The following FIBCD1 variants were observed in gnomAD, a reference collection of about 807,000 sequenced individuals.
FIBCD1 encodes fibrinogen C domain-containing protein 1.
Under a neutral mutation model 45.1 loss-of-function variants are expected in FIBCD1, and 47 were observed. The ratio of observed to expected loss-of-function variants is 1.04; its 90% confidence interval spans 0.82 to 1.33. The LOEUF (loss-of-function observed/expected upper bound fraction) is 1.33, where lower values mean the gene tolerates loss of function less well. FIBCD1 is among the 40% of genes most tolerant of loss of function. The pLI, the probability that FIBCD1 is intolerant of heterozygous loss-of-function variation, is 0.00. For synonymous variants in FIBCD1, 313 were observed against 308.1 expected (o/e 1.02, Z -0.17); for missense variants, 653 against 682.2 (o/e 0.96, Z 0.48).
chr9:130,938,454 G>T, intron 1 of FIBCD1, 82 bp downstream of exon 1: 3 of 1,236,908 alleles, frequency 2.4e-6, no homozygotes, highest in East Asian at 3.2e-5. Context: ...TCCAGCCCCC[G>T]CAATGGGTGC....
At chr9:130,907,788 A>G (rs1016149235) in intron 5 of FIBCD1, among the ~76,000 whole-genome samples, 13 of 151,616 alleles carry the variant, frequency 8.6e-5, no homozygotes, top group African/African-American at 3.1e-4. Context: ...AATCCCAGCT[A>G]CTTGGGAGGC....
rs925248260 is a variant in FIBCD1, at chr9:130,938,995, ACACT to A, written c.-392_-389del. On this transcript the variant is annotated 5_prime_UTR_variant, in exon 1 of 7. Coordinates refer to ENST00000372338, the MANE Select transcript of FIBCD1 (RefSeq NM_032843.5). The stretch of plus-strand genomic sequence containing the variant: ...ATTGCTCCCCTCGGCCTCCCCCGAC[ACACT>A]CACACACACGCGCGCGCTCACACCC... 1.3e-5 allele frequency: 2 copies of A among 151,952 alleles called. No homozygotes were observed. Among genetic ancestry groups the A allele is most frequent in the Non-Finnish European group, 2.9e-5 (2 of 68,046 alleles). 9.4% of individuals were successfully genotyped at this position (151,952 alleles called of 1,614,324 possible).
intron 1 of FIBCD1, 104 bp downstream of exon 1, chr9:130,938,432 T>A (rs528758146): frequency 7.4e-5 from 73 of 983,678 alleles, no homozygotes; most frequent in Non-Finnish European, 9.7e-5. Context: ...CTCGAAGGGG[T>A]GCGCCCCAAA....
chr9:130,933,459 C>T (rs1008322542), intron 1 of FIBCD1, among the ~76,000 whole-genome samples: 12 of 152,240 alleles, frequency 7.9e-5, no homozygotes, highest in South Asian at 4.1e-4. Flanking sequence ...GGGCCTGAGC[C>T]GGGAGCCCTG....
chr9:130,935,205 G>A (rs1832500594), intron 1 of FIBCD1, among the ~76,000 whole-genome samples: 1 of 152,206 alleles, frequency 6.6e-6, no homozygotes. Flanking sequence ...AATTTTGAAA[G>A]CGTCAAGAGA....
At chr9:130,927,099 T>C (rs1405091466) in intron 2 of FIBCD1, among the ~76,000 whole-genome samples, 1 of 151,930 alleles carries the variant, frequency 6.6e-6, no homozygotes, top group Non-Finnish European at 1.5e-5. Context: ...AAAAATTAGC[T>C]AGACATGGTG....
chr9:130,909,708 G>C (rs564250093), intron 5 of FIBCD1, among the ~76,000 whole-genome samples: 49 of 151,214 alleles, frequency 3.2e-4, no homozygotes, highest in African/African-American at 1.2e-3. Context: ...TAAATGTTTT[G>C]TTTAGATAAA....
intron 1 of FIBCD1, among the ~76,000 whole-genome samples, chr9:130,932,400 T>A (rs1247163515): frequency 6.6e-6 from 1 of 152,078 alleles, no homozygotes; most frequent in Admixed American, 6.6e-5. Flanking sequence ...CTGCCAGGAC[T>A]CAGTGCTCCA....
In FIBCD1 at chr9:130,923,789, G is replaced by A. The variant is rs760983878; in HGVS notation, c.804C>T (p.Gly268=). The change falls in exon 4 of 7, where the codon GGC becomes GGT. Residue 268 remains glycine, a synonymous_variant. Coordinates refer to ENST00000372338, the MANE Select transcript of FIBCD1 (RefSeq NM_032843.5). ...YSVFPTHYPA[G]FQVYCDMRTD... ...TGCGCATGTCACAGTACACCTGGAA[G>A]CCGGCCGGGTAGTGGGTGGGAAAGA... The A allele has an allele frequency of 1.2e-6, 2 of 1,612,776 alleles. No homozygotes were observed. The highest frequency in any genetic ancestry group is 1.3e-5 in the African/African-American group (1 of 74,928).
At chr9:130,921,495 G>A (rs773531034) in intron 4 of FIBCD1, among the ~76,000 whole-genome samples, 11 of 152,324 alleles carry the variant, frequency 7.2e-5, no homozygotes, top group Middle Eastern at 6.8e-3. Context: ...CAGGGCCCCC[G>A]GAACCGGGTG....
At chr9:130,910,682 A>C (rs578092889) in intron 5 of FIBCD1, among the ~76,000 whole-genome samples, 7 of 149,906 alleles carry the variant, frequency 4.7e-5, no homozygotes, top group Non-Finnish European at 8.9e-5. Context: ...TTGTAAACAC[A>C]CCAATCAGCA....
rs1030843367 is a variant in FIBCD1 at position 130,930,187 on chromosome 9, A to G, written c.73-141T>C. 6.6e-6 allele frequency: 7 copies of G among 1,065,850 alleles called. No homozygotes were observed. In the South Asian group the frequency reaches 1.2e-4, roughly 18 times the overall value. 66.0% of individuals were successfully genotyped at this position (1,065,850 alleles called of 1,614,324 possible). The stretch of plus-strand genomic sequence containing the variant: ...CGTGGCACAGAGACTGAGATGAGAC[A>G]GGCACTGAGAGACAGTCCAAGGGGA... On this transcript the variant is annotated intron_variant, in intron 1 of 6. Transcript: ENST00000372338.
At position 130,929,815 on chromosome 9, in the gene FIBCD1, T is replaced by C. The variant is rs1226778839; in HGVS notation, c.304A>G (p.Thr102Ala). The C allele has an allele frequency of 6.4e-7, 1 of 1,550,638 alleles. No homozygotes were observed. Among genetic ancestry groups the C allele is most frequent in the Non-Finnish European group, 8.7e-7 (1 of 1,147,152 alleles). ...CTCTCCAGGCGTGCGAAGCTGTCGG[T>C]GAGGTCGGGGCAGCGCGGGTCAATG... ...ILIDPRCPDL[T>A]DSFARLESAQ... Residue 102 changes from threonine (T) to alanine (A), a missense_variant, in exon 2 of 7, where the codon ACC becomes GCC. Physicochemically the swap from Thr to Ala is moderately conservative, Grantham distance 58. Transcript: ENST00000372338.
intron 1 of FIBCD1, among the ~76,000 whole-genome samples, chr9:130,936,960 C>A (rs1257680983): frequency 8.1e-6 from 1 of 123,040 alleles, no homozygotes; most frequent in African/African-American, 3.3e-5. Flanking sequence ...GTAGGGTGTC[C>A]CTGAGTGAAG....
intron 1 of FIBCD1, among the ~76,000 whole-genome samples, chr9:130,933,349 C>G (rs779480863): frequency 1.3e-5 from 2 of 152,044 alleles, no homozygotes; most frequent in Non-Finnish European, 2.9e-5. Context: ...TGTGGCTGAG[C>G]TGGGTGCACT....
chr9:130,915,679 G>A (rs567968464), intron 4 of FIBCD1, among the ~76,000 whole-genome samples: 4 of 152,284 alleles, frequency 2.6e-5, no homozygotes, highest in Admixed American at 2.6e-4. Context: ...TCCAACCTGA[G>A]TGATAAGAGC....
chr9:130,913,674 G>A (rs989753010), intron 4 of FIBCD1, among the ~76,000 whole-genome samples: 6 of 152,232 alleles, frequency 3.9e-5, no homozygotes, highest in African/African-American at 1.4e-4. Flanking sequence ...GAGGAGCGGT[G>A]GAGAGCCGTA....
chr9:130,924,694 C>T (rs1225613615), intron 2 of FIBCD1, among the ~76,000 whole-genome samples: 2 of 152,176 alleles, frequency 1.3e-5, no homozygotes, highest in Non-Finnish European at 2.9e-5. Context: ...CTGCGTTCTT[C>T]GGCCATCTCT....
chr9:130,914,920 C>T (rs1443665102), intron 4 of FIBCD1, among the ~76,000 whole-genome samples: 1 of 152,240 alleles, frequency 6.6e-6, no homozygotes, highest in Non-Finnish European at 1.5e-5. Context: ...TCCCCAAACC[C>T]TTTCCCCGAG....
Sources: gnomAD v4.1 joint callset for allele counts (sites outside exome capture counted in the v4.1 genomes callset) on GRCh38, gnomAD v4.1.1 for gene constraint, MANE v1.5 for transcripts, NCBI Gene and HGNC (gene_info 2026-07-23, HGNC 2026-07-21) for gene names.